The following F11 variants were observed in gnomAD, a reference collection of about 807,000 sequenced individuals.
F11 encodes coagulation factor XI.
F11 carries 78 observed loss-of-function variants against 76.5 expected under a neutral mutation model. The observed-to-expected ratio is 1.02, with a 90% confidence interval of 0.85 to 1.23. The LOEUF (loss-of-function observed/expected upper bound fraction) is 1.23. F11 is among the 50% of genes most tolerant of loss of function. The pLI is 0.00. For synonymous variants in F11, 278 were observed against 276.3 expected, an observed-to-expected ratio of 1.01 and a Z score of -0.06; for missense variants, 742 against 771.4, an observed-to-expected ratio of 0.96 and a Z score of 0.45.
intron 14 of F11, 98 bp downstream of exon 14, chr4:186,287,921 T>C: frequency 6.9e-7 from 1 of 1,455,662 alleles, no homozygotes; most frequent in Non-Finnish European, 9.5e-7. Flanking sequence ...TTGTTTTTTT[T>C]TGAGACAGAG....
intron 5 of F11, chr4:186,275,265 C>T (rs1048172731): frequency 2.2e-6 from 1 of 444,722 alleles, no homozygotes; most frequent in Non-Finnish European, 4.5e-6. Context: ...CCGAGGCGGG[C>T]AGATCACCTG....
chr4:186,288,212 G>A (rs558915704), intron 14 of F11, among the ~76,000 whole-genome samples: 30 of 152,166 alleles, frequency 2.0e-4, no homozygotes, highest in Non-Finnish European at 3.8e-4. Flanking sequence ...GCGCCGGGCC[G>A]CTTAATGCAT....
At chr4:186,279,911 C>G in intron 7 of F11, 101 bp from the exon 8 acceptor site, 1 of 891,464 alleles carries the variant, frequency 1.1e-6, no homozygotes, top group Non-Finnish European at 1.8e-6. Context: ...ATCTTCACAA[C>G]TAAGTGCTAG....
intron 5 of F11, 46 bp downstream of exon 5, chr4:186,274,321 C>T (rs376289738): frequency 2.5e-6 from 4 of 1,612,308 alleles, no homozygotes; most frequent in East Asian, 2.2e-5. Flanking sequence ...AAAACAGAAT[C>T]GTGATTTACT....
At chr4:186,284,315 T>C in intron 11 of F11, 55 bp downstream of exon 11, 1 of 1,406,048 alleles carries the variant, frequency 7.1e-7, no homozygotes, top group Non-Finnish European at 9.9e-7. Flanking sequence ...TTATAAAAAA[T>C]ATTACTAGCA....
At chr4:186,283,075 CA>C (rs774308128) in intron 10 of F11, 31 of 970,960 alleles carry the variant, frequency 3.2e-5, no homozygotes, top group Non-Finnish European at 3.7e-5. Context: ...GATCTGGGCA[CA>C]GCACATTGAC....
At position 186,289,008 on chromosome 4, in the gene F11, A is replaced by G. The variant is rs994434693; in HGVS notation, c.*394A>G. 20 of 274,886 alleles carry G rather than the reference A, an allele frequency of 7.3e-5. No homozygotes were observed. The highest frequency in any genetic ancestry group is 4.4e-4 in the African/African-American group (20 of 45,516). The allele number at this position is 274,886 out of a possible 1,614,324, so 17.0% of individuals were successfully genotyped here. ...TGTTCGATGAAAGATGAAAACTGGA[A>G]GAAAGGAGAACAAAGACAGTCTTCA... is the stretch of plus-strand genomic sequence containing the variant. On this transcript the variant is annotated 3_prime_UTR_variant, in exon 15 of 15. Transcript: ENST00000403665.
chr4:186,282,182 A>G (rs1171786680), intron 10 of F11: 1 of 1,075,732 alleles, frequency 9.3e-7, no homozygotes, highest in East Asian at 6.2e-5. Context: ...ATACCTCAAT[A>G]CATTGCAGAC....
intron 13 of F11, chr4:186,286,797 T>A: frequency 1.2e-6 from 1 of 808,176 alleles, no homozygotes; most frequent in Non-Finnish European, 1.5e-6. Flanking sequence ...GCTATCCAAT[T>A]ACTTTCTTGG....
At chr4:186,271,162 C>A (rs1182002753) in intron 2 of F11, among the ~76,000 whole-genome samples, 1 of 152,102 alleles carries the variant, frequency 6.6e-6, no homozygotes, top group Non-Finnish European at 1.5e-5. Context: ...TGTGTTATCA[C>A]ACCCCCGAGC....
rs986553535 is a variant in F11 at position 186,287,750 on chromosome 4, G to A, written c.1643G>A (p.Arg548Lys). The change falls in exon 14 of 15, where the codon AGA becomes AAA. Residue 548 changes from arginine (R) to lysine (K), a missense_variant. Coordinates refer to ENST00000403665, the MANE Select transcript of F11 (RefSeq NM_000128.4). The part of the protein sequence containing the change: ...PLVTNEECQK[R>K]YRGHKITHKM... ...GTGACCAACGAAGAGTGCCAGAAGA[G>A]ATACAGAGGACATAAAATAACCCAT... 1 of 1,613,746 alleles carries A rather than the reference G, an allele frequency of 6.2e-7. No individual in the cohort carries two copies. Among genetic ancestry groups the A allele is most frequent in the South Asian group, 1.1e-5 (1 of 91,066 alleles).
chr4:186,275,618 A>G (rs942141849), intron 5 of F11, among the ~76,000 whole-genome samples, 169 bp from the exon 6 acceptor site: 11 of 152,186 alleles, frequency 7.2e-5, no homozygotes, highest in African/African-American at 2.7e-4. Context: ...TACACAATTC[A>G]CAGGTGCTTA....
chr4:186,286,235 C>G, intron 12 of F11, 180 bp from the exon 13 acceptor site: 1 of 616,912 alleles, frequency 1.6e-6, no homozygotes, highest in Non-Finnish European at 2.9e-6. Flanking sequence ...CTCGCCCTCT[C>G]ATCCTGGCAC....
At position 186,287,790 on chromosome 4, in the gene F11, CG is replaced by C. The variant is rs1741319191; in HGVS notation, c.1685del (p.Gly562AlafsTer29). The C allele has an allele frequency of 6.2e-7, 1 of 1,613,098 alleles. No individual in the cohort carries two copies. Among genetic ancestry groups the C allele is most frequent in the Admixed American group, 1.7e-5 (1 of 59,942 alleles). On this transcript the variant is annotated frameshift_variant, in exon 14 of 15. Transcript: ENST00000403665. LOFTEE classifies it high-confidence loss of function. Reference sequence around the variant, plus strand: ...AAATAACCCATAAGATGATCTGTGCCGGCTACAGGGAAGGAGGGAAGGACGC... The same window carrying C: ...AAATAACCCATAAGATGATCTGTGCCGCTACAGGGAAGGAGGGAAGGACGC... ...HKITHKMICA[G>X]YREGGKDACK...
intron 7 of F11, among the ~76,000 whole-genome samples, chr4:186,279,714 G>T (rs1740644632): frequency 6.6e-6 from 1 of 152,180 alleles, no homozygotes; most frequent in Non-Finnish European, 1.5e-5. Context: ...GATAGGCTGG[G>T]AGTGTTGAAA....
intron 2 of F11, 27 bp from the exon 3 acceptor site, chr4:186,271,582 T>C (rs1175108155): frequency 6.2e-7 from 1 of 1,613,958 alleles, no homozygotes; most frequent in African/African-American, 1.3e-5. Context: ...AAATCCAACA[T>C]AACGCATGCC....
chr4:186,290,092 A>G (rs1194798882), downstream of F11, among the ~76,000 whole-genome samples: 1 of 152,226 alleles, frequency 6.6e-6, no homozygotes, highest in Non-Finnish European at 1.5e-5. Context: ...TCTAGTTAAC[A>G]TGAGCAACAA....
intron 3 of F11, 114 bp downstream of exon 3, chr4:186,271,885 A>T: frequency 8.3e-7 from 1 of 1,202,882 alleles, no homozygotes; most frequent in Non-Finnish European, 1.2e-6. Flanking sequence ...TGGAAGATAA[A>T]TTGTCTTTCA....
chr4:186,269,481 G>A (rs1177939889), intron 2 of F11, among the ~76,000 whole-genome samples: 2 of 152,246 alleles, frequency 1.3e-5, no homozygotes, highest in Admixed American at 6.5e-5. Flanking sequence ...TACGCTAAGT[G>A]AAATAAGCCA....
Sources: allele counts gnomAD v4.1 joint callset (sites outside exome capture counted in the v4.1 genomes callset), GRCh38; gene constraint gnomAD v4.1.1; transcripts MANE v1.5; gene names NCBI Gene and HGNC (gene_info 2026-07-23, HGNC 2026-07-21).